MROH2B: variants seen among roughly 807,000 people sequenced by gnomAD.
The protein encoded by MROH2B is maestro heat-like repeat-containing protein family member 2B.
Under a neutral mutation model 208.6 loss-of-function variants are expected in MROH2B, and 177 were observed. That is an observed-to-expected ratio of 0.85 (90% CI 0.75 to 0.96). The LOEUF is 0.96. Among genes scored for constraint, MROH2B ranks in the 40% least tolerant of loss-of-function variants. The pLI is 0.00. For missense variants in MROH2B, 2,002 were observed against 1,878.7 expected (o/e 1.07, Z -1.21); for synonymous variants, 728 against 659.0 (o/e 1.10, Z -1.60).
Position 41,064,803 on chromosome 5 carries a change from A to C in MROH2B, c.362-233T>G, listed in dbSNP as rs546092654. Among the ~76,000 whole-genome samples, 15 of 152,248 alleles carry C rather than the reference A, an allele frequency of 9.9e-5. No homozygotes were observed. The East Asian group carries it at 1.7e-3, about 18-fold the overall frequency. ...AGGTTCTAGCTACACAGCCACTTGT[A>C]CCTCTTGTTAAGTGGCAGTCGCTTA... is the stretch of plus-strand genomic sequence containing the variant. On this transcript the variant is annotated intron_variant, in intron 4 of 41. Transcript: ENST00000399564.
intron 21 of MROH2B, among the ~76,000 whole-genome samples, chr5:41,034,741 T>C (rs1032686247): frequency 3.3e-5 from 5 of 152,130 alleles, no homozygotes; most frequent in African/African-American, 9.7e-5. Context: ...TGATTAATGA[T>C]TTCAGTAAGG....
At chr5:41,041,555 C>A (rs1451470018) in intron 19 of MROH2B, among the ~76,000 whole-genome samples, 1 of 152,142 alleles carries the variant, frequency 6.6e-6, no homozygotes, top group African/African-American at 2.4e-5. Context: ...ACCTGGGAGG[C>A]AGAGTTTGCA....
chr5:41,000,966 T>G (rs1741380981), intron 37 of MROH2B, 133 bp from the exon 38 acceptor site: 1 of 978,918 alleles, frequency 1.0e-6, no homozygotes, highest in Non-Finnish European at 1.5e-6. Context: ...TCCATCATAG[T>G]CACGGCCTCT....
In MROH2B at chr5:41,005,423, C is replaced by CG. The variant is rs777438461; in HGVS notation, c.3864+107_3864+108insC. 66 of 242,664 alleles carry CG rather than the reference C, an allele frequency of 2.7e-4. 2 individuals are homozygous for CG. Among genetic ancestry groups the CG allele is most frequent in the Admixed American group, 1.3e-3 (23 of 17,904 alleles). The allele number at this position is 242,664 out of a possible 1,614,324, so 15.0% of individuals were successfully genotyped here. On this transcript the variant is annotated intron_variant, in intron 35 of 41. Transcript: ENST00000399564. ...TCTCTCCTCTATGAAACCCCCCCCC[C>CG]CCTTGAAGTCTCTCTTCCCTGGTTC...
intron 35 of MROH2B, 50 bp downstream of exon 35, chr5:41,005,481 A>G: frequency 1.6e-6 from 2 of 1,256,586 alleles, no homozygotes; most frequent in Non-Finnish European, 1.1e-6. Context: ...CATAAGAGAA[A>G]TACCCTATGG....
chr5:41,001,654 C>T (rs572465854), intron 37 of MROH2B, among the ~76,000 whole-genome samples: 4 of 151,832 alleles, frequency 2.6e-5, no homozygotes, highest in African/African-American at 9.7e-5. Flanking sequence ...GAGGAGGAGG[C>T]TGCAGTGAGC....
chr5:41,069,359 AT>A (rs1276976458), intron 2 of MROH2B, among the ~76,000 whole-genome samples: 5 of 152,140 alleles, frequency 3.3e-5, no homozygotes, highest in Non-Finnish European at 5.9e-5. Flanking sequence ...AGCTTTTGGG[AT>A]TTTTGTAACA....
chr5:41,037,964 T>C (rs118042288), intron 21 of MROH2B, among the ~76,000 whole-genome samples: 4 of 152,282 alleles, frequency 2.6e-5, no homozygotes, highest in Non-Finnish European at 1.5e-5. Flanking sequence ...CAAAATGCTA[T>C]GGAAGACAGA....
chr5:41,009,254 T>A (rs375224033), intron 32 of MROH2B, 26 bp downstream of exon 32: 2 of 1,612,190 alleles, frequency 1.2e-6, no homozygotes, highest in Non-Finnish European at 1.7e-6. Context: ...CTCAGGCAAG[T>A]GATGGGTTCA....
intron 15 of MROH2B, 112 bp from the exon 16 acceptor site, chr5:41,048,577 T>G: frequency 1.7e-6 from 2 of 1,172,350 alleles, no homozygotes; most frequent in Non-Finnish European, 2.3e-6. Flanking sequence ...TTGGATAATC[T>G]TTTAACAAAT....
At position 41,004,378 on chromosome 5, in the gene MROH2B, T is replaced by C. The variant is rs760309525; in HGVS notation, c.4162A>G (p.Ile1388Val). 64 of 1,613,788 alleles carry C rather than the reference T, an allele frequency of 4.0e-5. No homozygotes were observed. Among genetic ancestry groups the C allele is most frequent in the Non-Finnish European group, 5.4e-5 (64 of 1,179,864 alleles). Residue 1388 changes from isoleucine to valine, a missense_variant, in exon 37 of 42, where the codon ATA becomes GTA. Physicochemically the swap from Ile to Val is conservative, Grantham distance 29. Transcript: ENST00000399564. ...AAGAAGGTCCTTGTTTGCAGCACTA[T>C]TTCCTTGAAGTAGAAGCTCACGTCT... ...DRDVSFYFKE[I>V]VLQTRTFFED...
chr5:41,039,383 A>G, intron 20 of MROH2B, 65 bp downstream of exon 20: 2 of 927,902 alleles, frequency 2.2e-6, no homozygotes, highest in African/African-American at 1.7e-5. Context: ...AAGGATATTC[A>G]CTGAAGAAAT....
At position 41,005,417 on chromosome 5, in the gene MROH2B, C is replaced by A. The variant is rs1561273995; in HGVS notation, c.3864+114G>T. ...AGCTGGTCTCTCCTCTATGAAACCC[C>A]CCCCCCCCTTGAAGTCTCTCTTCCC... On this transcript the variant is annotated intron_variant, in intron 35 of 41. Transcript: ENST00000399564. 12 of 194,456 alleles carry A rather than the reference C, an allele frequency of 6.2e-5. 1 individual carries two copies. Among genetic ancestry groups the A allele is most frequent in the African/African-American group, 1.1e-4 (3 of 26,676 alleles). The allele number at this position is 194,456 out of a possible 1,614,324, so 12.0% of individuals were successfully genotyped here. A position where few individuals can be genotyped will look rare whatever the true frequency, so the allele number is the denominator to read the frequency against.
At position 41,005,249 on chromosome 5, in the gene MROH2B, G is replaced by A. The variant is rs375370980; in HGVS notation, c.3864+282C>T. Reference sequence around the variant, plus strand: ...TAGTCTTCAGGCCGGAATTTGAAGCGTCAGTGCTACAATGCTTTGTTTGAT... The same window carrying A: ...TAGTCTTCAGGCCGGAATTTGAAGCATCAGTGCTACAATGCTTTGTTTGAT... On this transcript the variant is annotated intron_variant, in intron 35 of 41. Coordinates refer to ENST00000399564, the MANE Select transcript of MROH2B (RefSeq NM_173489.5). 1.0e-4 allele frequency: 52 copies of A among 520,530 alleles called. No homozygotes were observed. In the East Asian group the frequency reaches 1.0e-3, roughly 10 times the overall value. The allele number at this position is 520,530 out of a possible 1,614,324, so 32.2% of individuals were successfully genotyped here.
Position 41,057,091 on chromosome 5 carries a change from T to C in MROH2B, c.919+18A>G, listed in dbSNP as rs1743478614. 6.2e-7 allele frequency: 1 copy of C among 1,613,556 alleles called. No homozygotes were observed. The highest frequency in any genetic ancestry group is 1.1e-5 in the South Asian group (1 of 90,984). ...TTGGGGACATTTTTATTAAAAGCCTTCTGGATGCTGGTCCTACCTAGAATG... is the reference window on the plus strand; with the variant it reads ...TTGGGGACATTTTTATTAAAAGCCTCCTGGATGCTGGTCCTACCTAGAATG... On this transcript the variant is annotated intron_variant, in intron 9 of 41. Transcript: ENST00000399564.
chr5:41,018,495 C>G, intron 26 of MROH2B, 65 bp from the exon 27 acceptor site: 1 of 1,537,716 alleles, frequency 6.5e-7, no homozygotes. Flanking sequence ...TTCATATTCT[C>G]TTTTTCTGTC....
chr5:41,038,657 A>T lies in MROH2B; in HGVS notation c.2214+79T>A, dbSNP rs1214841744. On this transcript the variant is annotated intron_variant, in intron 21 of 41. Transcript: ENST00000399564. ...ACATACCCAAGTCTGGGAAGGAAAA[A>T]AGCTTCCCAGGGACTGAGCCCCTGC... 1.0e-5 allele frequency: 14 copies of T among 1,406,716 alleles called. No individual in the cohort carries two copies. The East Asian group carries it at 3.3e-4, about 33-fold the overall frequency. The allele number at this position is 1,406,716 out of a possible 1,614,324, so 87.1% of individuals were successfully genotyped here.
At chr5:41,021,892 A>G (rs1742162272) in intron 24 of MROH2B, among the ~76,000 whole-genome samples, 1 of 152,162 alleles carries the variant, frequency 6.6e-6, no homozygotes, top group Non-Finnish European at 1.5e-5. Flanking sequence ...CAAAAGCAAA[A>G]AAAGAGACAT....
chr5:41,032,598 A>G (rs1742608756), intron 24 of MROH2B, 144 bp downstream of exon 24: 2 of 675,846 alleles, frequency 3.0e-6, no homozygotes, highest in Non-Finnish European at 5.0e-6. Flanking sequence ...GAAGGAGAAA[A>G]AGCCCCAGTT....
Sources: allele counts gnomAD v4.1 joint callset (sites outside exome capture counted in the v4.1 genomes callset), GRCh38; gene constraint gnomAD v4.1.1; transcripts MANE v1.5; gene names NCBI Gene and HGNC (gene_info 2026-07-23, HGNC 2026-07-21).